Variants in EYS observed in about 807,000 individuals in gnomAD.
EYS encodes the protein protein eyes shut homolog.
A neutral mutation model predicts 282.1 loss-of-function variants in EYS; 250 were observed. The observed-to-expected ratio is 0.89, with a 90% CI of 0.80 to 0.98. The LOEUF (loss-of-function observed/expected upper bound fraction) is 0.98, where lower values mean the gene tolerates loss of function less well. Among genes scored for constraint, EYS ranks in the 50% least tolerant of loss-of-function variants. The pLI is 0.00. For synonymous variants in EYS, 1,355 were observed against 1,282.9 expected (o/e 1.06, Z -1.20); for missense variants, 4,016 against 3,709.0 (o/e 1.08, Z -2.15).
At chr6:64,200,392 G>A (rs1011567994) in intron 31 of EYS, among the ~76,000 whole-genome samples, 2 of 152,060 alleles carry the variant, frequency 1.3e-5, no homozygotes, top group African/African-American at 4.8e-5. Context: ...TCACACTAAT[G>A]CAAGTTGTTA....
intron 26 of EYS, among the ~76,000 whole-genome samples, chr6:64,553,077 A>G (rs1198799615): frequency 2.6e-5 from 4 of 152,070 alleles, no homozygotes; most frequent in Admixed American, 6.5e-5. Flanking sequence ...TGTCTCCCTA[A>G]AATGTATAAA....
At chr6:64,211,613 G>A (rs1562255326) in intron 31 of EYS, among the ~76,000 whole-genome samples, 1 of 144,706 alleles carries the variant, frequency 6.9e-6, no homozygotes, top group Non-Finnish European at 1.5e-5. Flanking sequence ...TCATTTATAT[G>A]CATATATATG....
intron 23 of EYS, among the ~76,000 whole-genome samples, chr6:64,621,652 A>G (rs1659416275): frequency 6.6e-6 from 1 of 152,180 alleles, no homozygotes; most frequent in Admixed American, 6.5e-5. Flanking sequence ...GGTGGCAGAT[A>G]TTATCTATGT....
chr6:63,945,096 A>AG (rs1308235849), intron 35 of EYS, among the ~76,000 whole-genome samples: 3 of 152,214 alleles, frequency 2.0e-5, no homozygotes, highest in African/African-American at 7.2e-5. Flanking sequence ...CCATTATATT[A>AG]GTACTTTCTC....
intron 2 of EYS, among the ~76,000 whole-genome samples, chr6:65,605,846 A>G (rs1354653427): frequency 6.6e-6 from 1 of 151,790 alleles, no homozygotes; most frequent in Non-Finnish European, 1.5e-5. Context: ...GATTGTATGC[A>G]TAAAAGAATA....
intron 39 of EYS, among the ~76,000 whole-genome samples, chr6:63,782,949 A>G (rs1770272354): frequency 6.7e-6 from 1 of 148,890 alleles, no homozygotes. Flanking sequence ...AAACTGCAGT[A>G]TAGCTTTTTT....
rs544943126 is a variant in EYS at position 64,612,662 on chromosome 6, T to C, written c.3684+4756A>G. On this transcript the variant is annotated intron_variant, in intron 24 of 42. Coordinates refer to ENST00000503581, the MANE Select transcript of EYS (RefSeq NM_001142800.2). Reference sequence around the variant, plus strand: ...AGAGTTCAGACTTTTAATGTTATCTTCAAAAAATTAATTCTCAGAAATAAA... The same window carrying C: ...AGAGTTCAGACTTTTAATGTTATCTCCAAAAAATTAATTCTCAGAAATAAA... Among the ~76,000 whole-genome samples the C allele has an allele frequency of 1.3e-4, 20 of 152,154 alleles. No individual in the cohort carries two copies. The South Asian group carries it at 2.9e-3, about 22-fold the overall frequency.
At chr6:65,621,252 A>G (rs560083324) in intron 2 of EYS, among the ~76,000 whole-genome samples, 4 of 152,214 alleles carry the variant, frequency 2.6e-5, no homozygotes, top group South Asian at 4.2e-4. Context: ...TTGGGTCCAT[A>G]TATATTTAGG....
chr6:63,785,414 G>C (rs1770336379), intron 39 of EYS, among the ~76,000 whole-genome samples: 1 of 152,054 alleles, frequency 6.6e-6, no homozygotes, highest in African/African-American at 2.4e-5. Context: ...CCCAGTCTGA[G>C]ACCACCATTC....
chr6:64,963,911 T>C (rs749121918), intron 14 of EYS, among the ~76,000 whole-genome samples: 3 of 152,144 alleles, frequency 2.0e-5, no homozygotes, highest in Non-Finnish European at 4.4e-5. Context: ...ATACATAATA[T>C]AGAATTACAA....
chr6:64,789,057 GC>G (rs1554203369), intron 22 of EYS, among the ~76,000 whole-genome samples: 1 of 152,030 alleles, frequency 6.6e-6, no homozygotes, highest in Non-Finnish European at 1.5e-5. Flanking sequence ...TCTCCAGTCA[GC>G]CCAATAATCT....
In EYS at chr6:63,868,815, A is replaced by G. The variant is rs932459074; in HGVS notation, c.7056-4457T>C. Among the ~76,000 whole-genome samples the G allele has an allele frequency of 5.3e-5, 8 of 152,178 alleles. 1 individual carries two copies. In the South Asian group the frequency reaches 8.3e-4, roughly 16 times the overall value. ...CCCCTGCAAGAATCTTCCTTAAAAA[A>G]TTGGAATTTCTGTCAAATGAGTTGT... On this transcript the variant is annotated intron_variant, in intron 35 of 42. Coordinates refer to ENST00000503581, the MANE Select transcript of EYS (RefSeq NM_001142800.2).
intron 2 of EYS, among the ~76,000 whole-genome samples, chr6:65,532,694 AT>A (rs1169426836): frequency 6.6e-6 from 1 of 152,174 alleles, no homozygotes; most frequent in Non-Finnish European, 1.5e-5. Flanking sequence ...GGTCTGACAA[AT>A]AACAGAGATT....
intron 13 of EYS, among the ~76,000 whole-genome samples, chr6:65,035,852 T>C (rs991004506): frequency 4.9e-4 from 73 of 148,286 alleles, no homozygotes; most frequent in African/African-American, 1.1e-3. Context: ...CCATATAAAC[T>C]ACTAATAATT....
intron 1 of EYS, among the ~76,000 whole-genome samples, chr6:65,670,880 G>GAT (rs911751188): frequency 6.6e-6 from 1 of 151,446 alleles, no homozygotes; most frequent in African/African-American, 2.4e-5. Context: ...TCTCACAGAG[G>GAT]AGAAAACACA....
chr6:63,958,668 GT>G (rs1424073906), intron 35 of EYS, among the ~76,000 whole-genome samples: 1 of 152,190 alleles, frequency 6.6e-6, no homozygotes, highest in African/African-American at 2.4e-5. Context: ...GTCAATGCCT[GT>G]TTTCAAAACT....
chr6:63,747,756 G>T (rs757969261), intron 41 of EYS, among the ~76,000 whole-genome samples: 2 of 151,990 alleles, frequency 1.3e-5, no homozygotes, highest in Non-Finnish European at 2.9e-5. Context: ...TTTTATCAGA[G>T]ACTAGGATTG....
chr6:64,192,273 G>A (rs1257188835), intron 31 of EYS, among the ~76,000 whole-genome samples: 3 of 151,848 alleles, frequency 2.0e-5, no homozygotes, highest in Non-Finnish European at 4.4e-5. Context: ...CTCCCATTTT[G>A]TGGGTTGCTT....
chr6:65,358,451 T>C (rs978760671), intron 8 of EYS, among the ~76,000 whole-genome samples: 1 of 152,028 alleles, frequency 6.6e-6, no homozygotes, highest in Non-Finnish European at 1.5e-5. Context: ...GAACTACTCA[T>C]TCCTAGGCAA....
Sources: allele counts gnomAD v4.1 joint callset (sites outside exome capture counted in the v4.1 genomes callset), GRCh38; gene constraint gnomAD v4.1.1; transcripts MANE v1.5; gene names NCBI Gene and HGNC (gene_info 2026-07-23, HGNC 2026-07-21).